Variants in PCDHA12 observed in about 807,000 individuals in gnomAD.
PCDHA12 encodes the protein protocadherin alpha 12.
PCDHA12 carries 44 observed loss-of-function variants against 60.0 expected under a neutral mutation model. That is an observed-to-expected ratio of 0.73 (90% CI 0.58 to 0.94). PCDHA12 has a LOEUF of 0.94. Among genes scored for constraint, PCDHA12 ranks in the 40% least tolerant of loss-of-function variants. The pLI, the probability that PCDHA12 is intolerant of heterozygous loss-of-function variation, is 0.00. For missense variants in PCDHA12, 1,276 were observed against 1,239.7 expected (o/e 1.03, Z -0.44); for synonymous variants, 569 against 553.0 (o/e 1.03, Z -0.40).
chr5:140,884,204 C>A (rs1410511984), intron 1 of PCDHA12: 1 of 1,613,382 alleles, frequency 6.2e-7, no homozygotes, highest in Non-Finnish European at 8.5e-7. Flanking sequence ...GCCGCACCAC[C>A]GCCTTCTGGT....
intron 1 of PCDHA12, among the ~76,000 whole-genome samples, chr5:140,973,624 A>G (rs2096595807): frequency 6.6e-6 from 1 of 152,204 alleles, no homozygotes; most frequent in African/African-American, 2.4e-5. Flanking sequence ...CTGTTTCTGT[A>G]TCTTGTACAC....
intron 1 of PCDHA12, among the ~76,000 whole-genome samples, chr5:140,902,102 GA>G (rs782818661): frequency 1.3e-5 from 2 of 151,098 alleles, no homozygotes; most frequent in Non-Finnish European, 2.9e-5. Context: ...GGAGTCTTTA[GA>G]TTTTTTTAAA....
intron 1 of PCDHA12, among the ~76,000 whole-genome samples, chr5:140,893,592 C>G (rs2064074430): frequency 6.6e-6 from 1 of 152,154 alleles, no homozygotes; most frequent in Non-Finnish European, 1.5e-5. Flanking sequence ...TTGGGAAATA[C>G]TTTATTTCTC....
intron 1 of PCDHA12, among the ~76,000 whole-genome samples, chr5:140,952,680 G>A (rs1013469820): frequency 6.6e-6 from 1 of 152,128 alleles, no homozygotes; most frequent in Middle Eastern, 3.2e-3. Flanking sequence ...CACATTTTCA[G>A]GATCTTTATA....
chr5:140,957,076 A>C (rs1554222802), intron 1 of PCDHA12, among the ~76,000 whole-genome samples: 1 of 152,174 alleles, frequency 6.6e-6, no homozygotes, highest in Non-Finnish European at 1.5e-5. Context: ...AGGGCTTTTT[A>C]TTAAGGAAAA....
chr5:141,009,452 TAAAC>T (rs1226554195), intron 3 of PCDHA12, among the ~76,000 whole-genome samples, 171 bp from the exon 4 acceptor site: 1 of 152,120 alleles, frequency 6.6e-6, no homozygotes, highest in Non-Finnish European at 1.5e-5. Flanking sequence ...TCAAAAAAAT[TAAAC>T]AAATAAATAA....
rs782194525 is a variant in PCDHA12 at position 140,927,807 on chromosome 5, C to T, written c.2367+49968C>T. The T allele has an allele frequency of 8.7e-6, 14 of 1,614,088 alleles. No homozygotes were observed. In the African/African-American group the frequency reaches 1.3e-4, roughly 15 times the overall value. Reference sequence around the variant, plus strand: ...CTTCACTAGGTCCGCCTGAAACGCTCTTGGAGGCATACATTGAGGCGAGGG... The same window carrying T: ...CTTCACTAGGTCCGCCTGAAACGCTTTTGGAGGCATACATTGAGGCGAGGG... On this transcript the variant is annotated intron_variant, in intron 1 of 3. Coordinates refer to ENST00000398631, the MANE Select transcript of PCDHA12 (RefSeq NM_018903.4).
At chr5:140,919,643 C>CTA (rs1244015726) in intron 1 of PCDHA12, among the ~76,000 whole-genome samples, 7 of 152,192 alleles carry the variant, frequency 4.6e-5, no homozygotes, top group Non-Finnish European at 8.8e-5. Flanking sequence ...AGTAGTTTCT[C>CTA]TAGAGTTTAC....
At chr5:140,916,755 G>C (rs781862005) in intron 1 of PCDHA12, among the ~76,000 whole-genome samples, 15 of 152,208 alleles carry the variant, frequency 9.9e-5, no homozygotes, top group Admixed American at 2.0e-4. Flanking sequence ...CTGGGATTAG[G>C]GGAGGGGTGG....
chr5:140,882,307 A>G (rs2153383804), intron 1 of PCDHA12: 1 of 1,613,900 alleles, frequency 6.2e-7, no homozygotes, highest in South Asian at 1.1e-5. Context: ...GACCGCGGCA[A>G]CTACTGCTCT....
rs782501659 is a variant in PCDHA12 at position 140,877,029 on chromosome 5, G to A, written c.1557G>A (p.Ala519=). ...SVHAESGKVY[A]LQPLDHEELE... ...ACGCGGAGAGCGGCAAGGTGTACGC[G>A]CTGCAGCCGCTAGACCACGAGGAGC... Residue 519 remains alanine (A), a synonymous_variant, in exon 1 of 4, where the codon GCG becomes GCA. Transcript: ENST00000398631. 75 of 1,612,228 alleles carry A rather than the reference G, an allele frequency of 4.7e-5. No individual in the cohort carries two copies. Among genetic ancestry groups the A allele is most frequent in the Middle Eastern group, 2.0e-4 (1 of 5,004 alleles).
intron 1 of PCDHA12, among the ~76,000 whole-genome samples, chr5:140,881,674 T>C (rs782706305): frequency 5.3e-5 from 8 of 152,254 alleles, no homozygotes; most frequent in Non-Finnish European, 1.0e-4. Context: ...TCTTATGTGA[T>C]TGTTATGTTT....
chr5:140,940,437 C>T (rs1212783028), intron 1 of PCDHA12, among the ~76,000 whole-genome samples: 1 of 151,730 alleles, frequency 6.6e-6, no homozygotes, highest in Non-Finnish European at 1.5e-5. Context: ...TCAAGTCTGC[C>T]ATGATATTTT....
At chr5:140,921,285 T>G (rs1275527554) in intron 1 of PCDHA12, among the ~76,000 whole-genome samples, 1 of 152,180 alleles carries the variant, frequency 6.6e-6, no homozygotes. Context: ...GAAAAAAACC[T>G]CAAATTTGCT....
rs976104418 is a variant in PCDHA12 at position 140,967,290 on chromosome 5, C to G, written c.2368-11659C>G. The G allele has an allele frequency of 3.1e-6, 5 of 1,612,712 alleles. No individual in the cohort carries two copies. In the African/African-American group the frequency reaches 5.3e-5, roughly 17 times the overall value. ...TTTCACATAGAGAGTGCGCAGGACC[C>G]CGACGTGGGCGCCAACTCAGTACAG... On this transcript the variant is annotated intron_variant, in intron 1 of 3. Coordinates refer to ENST00000398631, the MANE Select transcript of PCDHA12 (RefSeq NM_018903.4).
rs1554169499 is a variant in PCDHA12 at position 140,877,233 on chromosome 5, G to A, written c.1761G>A (p.Ala587=). 1.2e-6 allele frequency: 2 copies of A among 1,613,676 alleles called. No homozygotes were observed. The highest frequency in any genetic ancestry group is 8.5e-7 in the Non-Finnish European group (1 of 1,179,740). ...VSELVPRSVG[A]GHVVAKVRAV... ...AGTTGGTACCGCGGTCGGTGGGTGC[G>A]GGCCACGTGGTGGCGAAAGTGCGCG... The change falls in exon 1 of 4, where the codon GCG becomes GCA. Residue 587 remains alanine, a synonymous_variant. Transcript: ENST00000398631.
chr5:140,922,700 A>G (rs1447566146), intron 1 of PCDHA12, among the ~76,000 whole-genome samples: 1 of 152,256 alleles, frequency 6.6e-6, no homozygotes, highest in Non-Finnish European at 1.5e-5. Context: ...GCTTCCATAC[A>G]GTCAAGAACA....
In PCDHA12 at chr5:140,876,526, G is replaced by T; in HGVS notation, c.1054G>T (p.Val352Phe). 6.2e-7 allele frequency: 1 copy of T among 1,614,164 alleles called. No homozygotes were observed. The highest frequency in any genetic ancestry group is 8.5e-7 in the Non-Finnish European group (1 of 1,180,000). Reference sequence around the variant, plus strand: ...GAATGACAATGTCCCTGAAGTAATGGTTACTTCACTGTCGCTCCCTGTGCA... The same window carrying T: ...GAATGACAATGTCCCTGAAGTAATGTTTACTTCACTGTCGCTCCCTGTGCA... ...DVNDNVPEVM[V>F]TSLSLPVQED... Residue 352 changes from valine (V) to phenylalanine (F), a missense_variant, in exon 1 of 4, where the codon GTT becomes TTT. Transcript: ENST00000398631.
At chr5:140,952,125 AG>A (rs1234128402) in intron 1 of PCDHA12, among the ~76,000 whole-genome samples, 1 of 152,092 alleles carries the variant, frequency 6.6e-6, no homozygotes, top group Non-Finnish European at 1.5e-5. Context: ...TGGGCTCCCA[AG>A]GCCTTGGGAA....
Sources: allele counts gnomAD v4.1 joint callset (sites outside exome capture counted in the v4.1 genomes callset), GRCh38; gene constraint gnomAD v4.1.1; transcripts MANE v1.5; gene names NCBI Gene and HGNC (gene_info 2026-07-23, HGNC 2026-07-21).